NRXN1: variants seen among roughly 807,000 people sequenced by gnomAD.
The protein encoded by NRXN1 is neurexin-1.
A neutral mutation model predicts 150.9 loss-of-function variants in NRXN1; 39 were observed. The ratio of observed to expected loss-of-function variants is 0.26; its 90% CI spans 0.20 to 0.34. The LOEUF is 0.34. Ranked by LOEUF, NRXN1 falls within the 10% of genes least tolerant of loss-of-function variation. The probability of loss-of-function intolerance (pLI) is 1.00; values close to 1 mark genes in which losing one functional copy is unlikely to be tolerated. For missense variants in NRXN1, 1,815 were observed against 1,949.9 expected (o/e 0.93, Z 1.30); for synonymous variants, 924 against 757.0 (o/e 1.22, Z -3.62).
intron 5 of NRXN1, among the ~76,000 whole-genome samples, chr2:50,920,325 T>A (rs1685820008): frequency 6.6e-6 from 1 of 151,768 alleles, no homozygotes; most frequent in Non-Finnish European, 1.5e-5. Flanking sequence ...TAAAGTTAAG[T>A]GACACTTGAC....
At chr2:50,579,327 T>C (rs902685961) in intron 8 of NRXN1, among the ~76,000 whole-genome samples, 11 of 152,172 alleles carry the variant, frequency 7.2e-5, no homozygotes, top group Non-Finnish European at 1.5e-4. Context: ...TGTATTAGAC[T>C]CCTAAGGAGA....
intron 5 of NRXN1, among the ~76,000 whole-genome samples, chr2:50,626,457 CTT>C (rs1681081969): frequency 6.6e-6 from 1 of 151,794 alleles, no homozygotes; most frequent in Admixed American, 6.6e-5. Flanking sequence ...GATAATCAAA[CTT>C]AAAATATTCT....
chr2:50,497,691 T>C lies in NRXN1; in HGVS notation c.2521A>G (p.Arg841Gly). ...MTGQMAGDHT[R>G]LEFHNIETGI... ...GTCTCTATGTTATGGAACTCCAGCC[T>C]AGTATGATCACCTGCCATTTGACCT... The change falls in exon 14 of 23, where the codon AGG becomes GGG. Residue 841 changes from arginine (R) to glycine (G), a missense_variant. By Grantham distance (125) the Arg-to-Gly change is moderately radical (BLOSUM62 -2). Transcript: ENST00000401669. The C allele has an allele frequency of 6.2e-7, 1 of 1,611,302 alleles. No homozygotes were observed. Among genetic ancestry groups the C allele is most frequent in the Non-Finnish European group, 8.5e-7 (1 of 1,177,876 alleles).
In NRXN1 at chr2:50,147,397, T is replaced by C. The variant is rs536437744; in HGVS notation, c.3547-55903A>G. On this transcript the variant is annotated intron_variant, in intron 18 of 22. Transcript: ENST00000401669. ...CCAAATAACTTGTCTTAGGTATTTGTGAATAACTAAAAATTTAGATAATTG... is the reference window on the plus strand; with the variant it reads ...CCAAATAACTTGTCTTAGGTATTTGCGAATAACTAAAAATTTAGATAATTG... Among the ~76,000 whole-genome samples, 11 of 151,864 alleles carry C rather than the reference T, an allele frequency of 7.2e-5. No homozygotes were observed. The South Asian group carries it at 2.3e-3, about 31-fold the overall frequency.
At chr2:50,341,329 T>G (rs1475939166) in intron 17 of NRXN1, among the ~76,000 whole-genome samples, 1 of 152,036 alleles carries the variant, frequency 6.6e-6, no homozygotes, top group Non-Finnish European at 1.5e-5. Flanking sequence ...GGACAGGAAC[T>G]CAGGTCTTCT....
intron 5 of NRXN1, among the ~76,000 whole-genome samples, chr2:50,804,430 G>A (rs934685762): frequency 6.6e-6 from 1 of 152,154 alleles, no homozygotes; most frequent in Non-Finnish European, 1.5e-5. Flanking sequence ...TATAGGTGAG[G>A]GATGTAATCG....
chr2:50,533,863 T>C (rs2093182958), intron 10 of NRXN1, among the ~76,000 whole-genome samples: 1 of 152,198 alleles, frequency 6.6e-6, no homozygotes, highest in Admixed American at 6.6e-5. Context: ...TCTGCTCAAA[T>C]GTTACTCCAG....
At chr2:50,907,758 G>A (rs1025649020) in intron 5 of NRXN1, among the ~76,000 whole-genome samples, 2 of 152,044 alleles carry the variant, frequency 1.3e-5, no homozygotes, top group Non-Finnish European at 2.9e-5. Flanking sequence ...AAGGAAGAAA[G>A]CAGATTCTTT....
intron 18 of NRXN1, among the ~76,000 whole-genome samples, chr2:50,190,796 G>A (rs1559060633): frequency 6.6e-6 from 1 of 151,214 alleles, no homozygotes; most frequent in Non-Finnish European, 1.5e-5. Flanking sequence ...ATTTTTAGTA[G>A]AGACGGGGTT....
At chr2:50,407,979 C>G (rs753006980) in intron 17 of NRXN1, among the ~76,000 whole-genome samples, 33 of 152,108 alleles carry the variant, frequency 2.2e-4, no homozygotes, top group Admixed American at 3.3e-4. Flanking sequence ...GTTTGTTTTT[C>G]CTATCCAATT....
At chr2:50,161,899 G>C (rs1012815960) in intron 18 of NRXN1, among the ~76,000 whole-genome samples, 2 of 152,082 alleles carry the variant, frequency 1.3e-5, no homozygotes, top group African/African-American at 4.8e-5. Flanking sequence ...CGAAGTTTTG[G>C]AATTTTCTTT....
In NRXN1 at chr2:51,031,969, G is replaced by C. The variant is rs199695647; in HGVS notation, c.-922+12C>G. ...CCATCCCCTCCCCCCAACCCAAATT[G>C]AGCTTCTTTACCTGCCCGGTTATTC... is the stretch of plus-strand genomic sequence containing the variant. On this transcript the variant is annotated intron_variant, in intron 1 of 22. Coordinates refer to ENST00000401669, the MANE Select transcript of NRXN1 (RefSeq NM_001330078.2). 1.3e-5 allele frequency: 2 copies of C among 152,140 alleles called. No homozygotes were observed. The highest frequency in any genetic ancestry group is 2.9e-5 in the Non-Finnish European group (2 of 68,118). The allele number at this position is 152,140 out of a possible 1,614,324, so 9.4% of individuals were successfully genotyped here. A position where few individuals can be genotyped will look rare whatever the true frequency, so the allele number is the denominator to read the frequency against.
At chr2:50,765,575 G>T (rs1181804739) in intron 5 of NRXN1, among the ~76,000 whole-genome samples, 1 of 152,136 alleles carries the variant, frequency 6.6e-6, no homozygotes, top group Non-Finnish European at 1.5e-5. Flanking sequence ...CAGGGACAGG[G>T]AAACTGAAGA....
At chr2:50,870,790 G>A (rs1677662893) in intron 5 of NRXN1, among the ~76,000 whole-genome samples, 1 of 151,706 alleles carries the variant, frequency 6.6e-6, no homozygotes, top group Non-Finnish European at 1.5e-5. Flanking sequence ...GATGTCGTTT[G>A]CAAAAGACCA....
chr2:50,716,900 A>C (rs1048593376), intron 5 of NRXN1, among the ~76,000 whole-genome samples: 4 of 152,194 alleles, frequency 2.6e-5, no homozygotes, highest in Non-Finnish European at 5.9e-5. Context: ...TAGAACTACT[A>C]TTCTGCTCTC....
intron 22 of NRXN1, among the ~76,000 whole-genome samples, chr2:49,939,752 CATT>C (rs1671656952): frequency 6.6e-6 from 1 of 152,148 alleles, no homozygotes; most frequent in Non-Finnish European, 1.5e-5. Context: ...TTATGTTCTA[CATT>C]ATGCCAGACA....
chr2:50,009,068 A>T (rs185124866), intron 21 of NRXN1, among the ~76,000 whole-genome samples: 1 of 152,280 alleles, frequency 6.6e-6, no homozygotes, highest in Non-Finnish European at 1.5e-5. Flanking sequence ...TTCCAAAATT[A>T]TTAATTAACA....
At chr2:50,577,349 A>G (rs1186566581) in intron 8 of NRXN1, among the ~76,000 whole-genome samples, 1 of 151,974 alleles carries the variant, frequency 6.6e-6, no homozygotes, top group East Asian at 1.9e-4. Flanking sequence ...TGTTAGCTGC[A>G]TATACACTAG....
intron 18 of NRXN1, among the ~76,000 whole-genome samples, chr2:50,161,356 T>A (rs982959827): frequency 6.6e-6 from 1 of 152,158 alleles, no homozygotes; most frequent in African/African-American, 2.4e-5. Context: ...TTCAAATCAT[T>A]TGGCTCCAAA....
Sources: gnomAD v4.1 joint callset for allele counts (sites outside exome capture counted in the v4.1 genomes callset) on GRCh38, gnomAD v4.1.1 for gene constraint, MANE v1.5 for transcripts, NCBI Gene and HGNC (gene_info 2026-07-23, HGNC 2026-07-21) for gene names.